Variants in SNRK observed in about 807,000 individuals in gnomAD.
SNRK encodes SNF-related serine/threonine-protein kinase.
In SNRK, 3 loss-of-function variants were observed where a neutral mutation model predicts 48.2. That is an observed-to-expected ratio of 0.06 (90% CI 0.03 to 0.16). The LOEUF is 0.16. Ranked by LOEUF, SNRK falls within the 10% of genes least tolerant of loss-of-function variation. The pLI, the probability that SNRK is intolerant of heterozygous loss-of-function variation, is 1.00. For missense variants in SNRK, 627 were observed against 976.0 expected (o/e 0.64, Z 4.76); for synonymous variants, 376 against 366.1 (o/e 1.03, Z -0.31).
chr3:43,348,786 T>G lies in SNRK; in HGVS notation c.*229T>G, dbSNP rs1308543991. The G allele has an allele frequency of 1.0e-5, 4 of 401,084 alleles. No homozygotes were observed. The highest frequency in any genetic ancestry group is 1.7e-5 in the Non-Finnish European group (4 of 228,596). The allele number at this position is 401,084 out of a possible 1,614,324, so 24.8% of individuals were successfully genotyped here. On this transcript the variant is annotated 3_prime_UTR_variant, in exon 7 of 7. Coordinates refer to ENST00000296088, the MANE Select transcript of SNRK (RefSeq NM_017719.5). ...TATTATGTAATTTTTACATTCATAA[T>G]TTTAATGTGGATGATCAGGATTAAA...
At chr3:43,315,108 G>T (rs541087099) in intron 3 of SNRK, 1 of 152,248 alleles carries the variant, frequency 6.6e-6, no homozygotes, top group Non-Finnish European at 1.5e-5. Flanking sequence ...TGGGAGCCAG[G>T]GTTACCACTA....
chr3:43,304,554 C>G (rs1301914142), intron 3 of SNRK, among the ~76,000 whole-genome samples: 1 of 152,094 alleles, frequency 6.6e-6, no homozygotes, highest in African/African-American at 2.4e-5. Flanking sequence ...TCAACTTTGT[C>G]TCCTTGGGAT....
chr3:43,347,848 A>G lies in SNRK; in HGVS notation c.1589A>G (p.Lys530Arg). Reference sequence around the variant, plus strand: ...GTTCACAAACGCTACCACCGGAGGAAAAGTCAGGGCCGGGGCTCCAGCTGC... The same window carrying G: ...GTTCACAAACGCTACCACCGGAGGAGAAGTCAGGGCCGGGGCTCCAGCTGC... ...GTVHKRYHRR[K>R]SQGRGSSCSS... Residue 530 changes from lysine to arginine, a missense_variant, in exon 7 of 7, where the codon AAA (lysine) becomes AGA (arginine). Physicochemically the swap from Lys to Arg is conservative, Grantham distance 26. Around this residue, in one of 4 missense-constraint regions of SNRK, gnomAD observed 98 missense variants for 175.2 expected, o/e 0.56. Coordinates refer to ENST00000296088, the MANE Select transcript of SNRK (RefSeq NM_017719.5). The surrounding 1 kb of genome is among the most constrained non-coding windows in gnomAD (Gnocchi z 5.4). 1 of 1,614,198 alleles carries G rather than the reference A, an allele frequency of 6.2e-7. No individual in the cohort carries two copies. Among genetic ancestry groups the G allele is most frequent in the South Asian group, 1.1e-5 (1 of 91,080 alleles).
chr3:43,321,217 C>T (rs1475912440), intron 3 of SNRK, among the ~76,000 whole-genome samples: 2 of 151,990 alleles, frequency 1.3e-5, no homozygotes, highest in Admixed American at 6.6e-5. Context: ...CTTGAGTGTC[C>T]CCTGACTTTG....
At chr3:43,330,849 T>A (rs191640491) in intron 3 of SNRK, among the ~76,000 whole-genome samples, 2 of 152,296 alleles carry the variant, frequency 1.3e-5, no homozygotes, top group East Asian at 3.9e-4. Context: ...ATTACGTAAA[T>A]GTTTAATTTC....
At chr3:43,325,797 C>G (rs1321939893) in intron 3 of SNRK, among the ~76,000 whole-genome samples, 1 of 152,142 alleles carries the variant, frequency 6.6e-6, no homozygotes, top group Non-Finnish European at 1.5e-5. Context: ...CCTGGTGAAG[C>G]AGTTCTCCAA....
rs1350448191 is a variant in SNRK at position 43,333,036 on chromosome 3, C to T, written c.731+726C>T. On this transcript the variant is annotated intron_variant, in intron 4 of 6. Coordinates refer to ENST00000296088, the MANE Select transcript of SNRK (RefSeq NM_017719.5). Reference sequence around the variant, plus strand: ...TGTAGAAACAGAGTTTTGAGTTTCTCCTATCAGCTGGTAAGAAGGAAATCT... The same window carrying T: ...TGTAGAAACAGAGTTTTGAGTTTCTTCTATCAGCTGGTAAGAAGGAAATCT... 7 of 152,060 alleles carry T rather than the reference C, an allele frequency of 4.6e-5. No homozygotes were observed. The South Asian group carries it at 1.4e-3, about 31-fold the overall frequency. The allele number at this position is 152,060 out of a possible 1,614,324, so 9.4% of individuals were successfully genotyped here. A position where few individuals can be genotyped will look rare whatever the true frequency, so the allele number is the denominator to read the frequency against.
intron 3 of SNRK, among the ~76,000 whole-genome samples, chr3:43,330,236 G>A (rs973371726): frequency 6.6e-6 from 1 of 152,112 alleles, no homozygotes; most frequent in African/African-American, 2.4e-5. Flanking sequence ...TTCATTGTCA[G>A]CCATTTAAAA....
At chr3:43,316,961 T>C (rs1411975626) in intron 3 of SNRK, among the ~76,000 whole-genome samples, 1 of 152,192 alleles carries the variant, frequency 6.6e-6, no homozygotes, top group Non-Finnish European at 1.5e-5. Flanking sequence ...ATAGTACCTT[T>C]GCAGTTTTCT....
At chr3:43,332,409 C>T (rs2091152943) in intron 4 of SNRK, 99 bp downstream of exon 4, 2 of 726,686 alleles carry the variant, frequency 2.8e-6, no homozygotes, top group Non-Finnish European at 1.9e-6. Context: ...GGACTTCAAA[C>T]ATCCAAGCAT....
At chr3:43,304,977 G>A (rs993799344) in intron 3 of SNRK, among the ~76,000 whole-genome samples, 2 of 151,908 alleles carry the variant, frequency 1.3e-5, no homozygotes, top group Admixed American at 6.6e-5. Context: ...GTGAAGCCAG[G>A]AATTTCCAGG....
chr3:43,292,763 G>A (rs2090822788), intron 1 of SNRK, among the ~76,000 whole-genome samples: 1 of 152,158 alleles, frequency 6.6e-6, no homozygotes, highest in Non-Finnish European at 1.5e-5. Flanking sequence ...CCAGTCCTTG[G>A]TGAGCCTGCC....
At chr3:43,335,376 G>A (rs920666729) in intron 4 of SNRK, among the ~76,000 whole-genome samples, 1 of 152,072 alleles carries the variant, frequency 6.6e-6, no homozygotes. Flanking sequence ...AATGTATGGC[G>A]TTTTTCTAAT....
intron 3 of SNRK, among the ~76,000 whole-genome samples, chr3:43,304,561 G>A (rs2090922561): frequency 6.6e-6 from 1 of 151,848 alleles, no homozygotes; most frequent in South Asian, 2.1e-4. Context: ...TGTCTCCTTG[G>A]GATTGTATTT....
At position 43,348,614 on chromosome 3, in the gene SNRK, C is replaced by G; in HGVS notation, c.*57C>G. The G allele has an allele frequency of 6.9e-7, 1 of 1,449,148 alleles. No homozygotes were observed. Among genetic ancestry groups the G allele is most frequent in the Non-Finnish European group, 9.1e-7 (1 of 1,103,574 alleles). The allele number at this position is 1,449,148 out of a possible 1,614,324, so 89.8% of individuals were successfully genotyped here. On this transcript the variant is annotated 3_prime_UTR_variant, in exon 7 of 7. Coordinates refer to ENST00000296088, the MANE Select transcript of SNRK (RefSeq NM_017719.5). ...CTGCTCAGAGCAGTGAAGACCGGCT[C>G]ACTTCACTGTTCCATTTGGTTTTAC...
Position 43,348,208 on chromosome 3 carries a change from T to G in SNRK, c.1949T>G (p.Met650Arg). 1 of 1,608,726 alleles carries G rather than the reference T, an allele frequency of 6.2e-7. No homozygotes were observed. Among genetic ancestry groups the G allele is most frequent in the African/African-American group, 1.3e-5 (1 of 74,896 alleles). Residue 650 changes from methionine to arginine, a missense_variant, in exon 7 of 7, where the codon ATG becomes AGG. Met to Arg is a moderately conservative substitution (Grantham distance 91). Transcript: ENST00000296088. ...GAGCTCGTTGAGAGCCTCAAACTCA[T>G]GAGCCTCTGCCTCGGCTCCCAGCTT... ...AGELVESLKL[M>R]SLCLGSQLHG... is the part of the protein sequence containing the mutation.
Position 43,303,641 on chromosome 3 carries a change from C to G in SNRK, c.438C>G (p.Val146=). The change falls in exon 3 of 7, where the codon GTC becomes GTG. Residue 146 remains valine, a synonymous_variant. Coordinates refer to ENST00000296088, the MANE Select transcript of SNRK (RefSeq NM_017719.5). This position sits in a 1 kb window ranked among gnomAD's most constrained non-coding sequence, Gnocchi z 6.2. ...VHRDLKPENV[V]FFEKQGLVKL... is the part of the protein sequence containing the mutation. ...GAGACTTAAAACCAGAGAATGTAGT[C>G]TTCTTTGAAAAACAAGGTCTTGTAA... The G allele has an allele frequency of 6.2e-7, 1 of 1,614,136 alleles. No homozygotes were observed. Among genetic ancestry groups the G allele is most frequent in the South Asian group, 1.1e-5 (1 of 91,070 alleles).
intron 3 of SNRK, among the ~76,000 whole-genome samples, chr3:43,307,858 C>G (rs1346088615): frequency 1.3e-5 from 2 of 152,172 alleles, no homozygotes; most frequent in Admixed American, 1.3e-4. Context: ...GCTTATCGAG[C>G]AAGACATAGT....
rs1224957129 is a variant in SNRK at position 43,303,433 on chromosome 3, G to A, written c.230G>A (p.Arg77His). 4 of 1,613,942 alleles carry A rather than the reference G, an allele frequency of 2.5e-6. No individual in the cohort carries two copies. The highest frequency in any genetic ancestry group is 1.3e-5 in the African/African-American group (1 of 74,870). Residue 77 changes from arginine (R) to histidine (H), a missense_variant, in exon 3 of 7, where the codon CGC becomes CAC. Transcript: ENST00000296088. The surrounding 1 kb of genome is among the most constrained non-coding windows in gnomAD (Gnocchi z 6.2). ...CTAGTGCAGCATCCTAACATCGTCC[G>A]CCTTTATGAAGTTATTGACACCCAG... ...MKLVQHPNIV[R>H]LYEVIDTQTK...
Sources: gnomAD v4.1 joint callset for allele counts (sites outside exome capture counted in the v4.1 genomes callset) on GRCh38, gnomAD v4.1.1 for gene constraint, gnomAD v4.1.1 regional missense constraint, Gnocchi (gnomAD v3.1) non-coding constraint, MANE v1.5 for transcripts, NCBI Gene and HGNC (gene_info 2026-07-23, HGNC 2026-07-21) for gene names.